TBX5: variants seen among roughly 807,000 people sequenced by gnomAD.
TBX5 encodes the protein T-box transcription factor 5, also known as T-box transcription factor TBX5.
Under a neutral mutation model 51.1 loss-of-function variants are expected in TBX5, and 8 were observed. The ratio of observed to expected loss-of-function variants is 0.16; its 90% confidence interval spans 0.09 to 0.28. The LOEUF (loss-of-function observed/expected upper bound fraction) is 0.28. Ranked by LOEUF, TBX5 falls within the 10% of genes least tolerant of loss-of-function variation. The probability of loss-of-function intolerance (pLI) is 1.00; values close to 1 mark genes in which losing one functional copy is unlikely to be tolerated. For missense variants in TBX5, 589 were observed against 671.7 expected (o/e 0.88, Z 1.36); for synonymous variants, 302 against 266.4 (o/e 1.13, Z -1.30).
Position 114,378,659 on chromosome 12 carries a change from G to A in TBX5, c.755+6817C>T, listed in dbSNP as rs142813450. Among the ~76,000 whole-genome samples the A allele has an allele frequency of 1.5e-3, 223 of 152,038 alleles. 1 individual carries two copies. The highest frequency in any genetic ancestry group is 5.1e-3 in the African/African-American group (210 of 41,480). The stretch of plus-strand genomic sequence containing the variant: ...TGTTTTGTTTTGTTTTTTTCGAGAC[G>A]GAGTTTCACTCTTGTTGCCCAGGCT... On this transcript the variant is annotated intron_variant, in intron 7 of 8. Transcript: ENST00000405440.
At position 114,355,529 on chromosome 12, in the gene TBX5, A is replaced by G. The variant is rs771881586; in HGVS notation, c.*3T>C. 2 of 1,613,876 alleles carry G rather than the reference A, an allele frequency of 1.2e-6. No individual in the cohort carries two copies. The highest frequency in any genetic ancestry group is 1.1e-5 in the South Asian group (1 of 91,024). On this transcript the variant is annotated 3_prime_UTR_variant, in exon 9 of 9. Transcript: ENST00000405440. Reference sequence around the variant, plus strand: ...AAATGTCTGTTGTGAAGCAGGCCTCACTTTAGCTATTGTCGCTCCACTCTG... The same window carrying G: ...AAATGTCTGTTGTGAAGCAGGCCTCGCTTTAGCTATTGTCGCTCCACTCTG...
chr12:114,395,443 G>C (rs1260039898), intron 5 of TBX5, among the ~76,000 whole-genome samples: 1 of 152,118 alleles, frequency 6.6e-6, no homozygotes, highest in African/African-American at 2.4e-5. Flanking sequence ...GCTTAGGGTG[G>C]GTGATCAGAC....
At position 114,385,580 on chromosome 12, in the gene TBX5, G is replaced by A. The variant is rs938241280; in HGVS notation, c.664-13C>T. ...TTAATTGCGTGATCTGAAGGAAAGA[G>A]GAAGAGAGAACAAGCTGGTTTTCAC... is the stretch of plus-strand genomic sequence containing the variant. On this transcript the variant is annotated splice_polypyrimidine_tract_variant and intron_variant, in intron 6 of 8. Transcript: ENST00000405440. The A allele has an allele frequency of 6.2e-7, 1 of 1,610,956 alleles. No homozygotes were observed. Among genetic ancestry groups the A allele is most frequent in the African/African-American group, 1.3e-5 (1 of 74,872 alleles).
chr12:114,382,977 C>CA lies in TBX5; in HGVS notation c.755+2498dup, dbSNP rs34867756. On this transcript the variant is annotated intron_variant, in intron 7 of 8. Transcript: ENST00000405440. ...GAGCGACAGAGTGAGACCCTGTCTC[C>CA]AAAAAAAAAAAAAAAAAAGAGCTTT... Among the ~76,000 whole-genome samples the CA allele has an allele frequency of 7.0e-3, 651 of 92,938 alleles. 7 individuals carry two copies. Among genetic ancestry groups the CA allele is most frequent in the Middle Eastern group, 0.035 (6 of 172 alleles). 61.0% of individuals were successfully genotyped at this position (92,938 alleles called of 152,430 possible). A position where few individuals can be genotyped will look rare whatever the true frequency, so the allele number is the denominator to read the frequency against.
rs1193730304 is a variant in TBX5, at chr12:114,355,825, G to T, written c.1264C>A (p.Pro422Thr). The T allele has an allele frequency of 6.2e-7, 1 of 1,614,078 alleles. No individual in the cohort carries two copies. The highest frequency in any genetic ancestry group is 1.3e-5 in the African/African-American group (1 of 75,070). Residue 422 changes from proline (P) to threonine (T), a missense_variant, in exon 9 of 9, where the codon CCC (proline) becomes ACC (threonine). This residue lies in a region of TBX5 where 348 missense variants were observed against 360.4 expected (regional missense o/e 0.97). Coordinates refer to ENST00000405440, the MANE Select transcript of TBX5 (RefSeq NM_181486.4). ...AAGTGAGCGGAGAAGTGCTGGTAGG[G>T]TAGCCTGTCCATGGGCTGCACGGTG... ...VTTVQPMDRL[P>T]YQHFSAHFTS...
intron 4 of TBX5, 115 bp from the exon 5 acceptor site, chr12:114,398,835 A>G (rs1006186823): frequency 7.7e-7 from 1 of 1,302,610 alleles, no homozygotes; most frequent in Non-Finnish European, 1.1e-6. Context: ...GTAGCTGGGA[A>G]TAATCTGGAG....
intron 1 of TBX5, 82 bp from the exon 2 acceptor site, chr12:114,404,018 G>A: frequency 6.8e-7 from 1 of 1,463,252 alleles, no homozygotes; most frequent in Non-Finnish European, 9.2e-7. Flanking sequence ...CAATTCTAGT[G>A]ACAGGAGGGA....
intron 3 of TBX5, among the ~76,000 whole-genome samples, chr12:114,400,982 C>T (rs1214949282): frequency 6.6e-6 from 1 of 152,174 alleles, no homozygotes; most frequent in Non-Finnish European, 1.5e-5. Flanking sequence ...GCTCCACACG[C>T]CTGCTCGGGG....
chr12:114,393,062 G>A (rs1318674309), intron 6 of TBX5, among the ~76,000 whole-genome samples: 3 of 152,174 alleles, frequency 2.0e-5, no homozygotes, highest in African/African-American at 7.2e-5. Flanking sequence ...TGGATTTGGA[G>A]ATTAGCCACA....
intron 7 of TBX5, among the ~76,000 whole-genome samples, chr12:114,373,052 T>C (rs1870004308): frequency 6.6e-6 from 1 of 151,758 alleles, no homozygotes; most frequent in Non-Finnish European, 1.5e-5. Context: ...TAAACACTAT[T>C]TTGTAAATAT....
chr12:114,399,699 A>G lies in TBX5; in HGVS notation c.243-67T>C, dbSNP rs905909732. ...ATGCCAGTATTTTAAGGCAGCCTCC[A>G]TCCATTTTAAGGGAAAAAGCAATTC... is the stretch of plus-strand genomic sequence containing the variant. On this transcript the variant is annotated intron_variant, in intron 3 of 8. Transcript: ENST00000405440. 27 of 1,611,356 alleles carry G rather than the reference A, an allele frequency of 1.7e-5. No homozygotes were observed. In the Admixed American group the frequency reaches 3.3e-4, roughly 20 times the overall value.
intron 1 of TBX5, among the ~76,000 whole-genome samples, chr12:114,404,458 T>G (rs1872063285): frequency 6.6e-6 from 1 of 150,468 alleles, no homozygotes; most frequent in South Asian, 2.1e-4. Flanking sequence ...ATGTGTGAAA[T>G]AACCCGCCTC....
intron 7 of TBX5, among the ~76,000 whole-genome samples, chr12:114,375,660 G>A (rs1316244037): frequency 6.6e-6 from 1 of 152,188 alleles, no homozygotes; most frequent in Non-Finnish European, 1.5e-5. Context: ...AGGATGTGGA[G>A]AAAAAGGAAT....
chr12:114,387,191 T>C (rs907271121), intron 6 of TBX5, among the ~76,000 whole-genome samples: 20 of 152,168 alleles, frequency 1.3e-4, no homozygotes, highest in African/African-American at 3.9e-4. Context: ...CTAAAAATCA[T>C]CTCGAGTCTT....
upstream of TBX5, chr12:114,406,890 C>T (rs1593890603): frequency 9.2e-6 from 2 of 217,530 alleles, no homozygotes; most frequent in African/African-American, 4.7e-5. Context: ...TCAATAAAAG[C>T]ACAAACACAG....
In TBX5 at chr12:114,354,431, T is replaced by C. The variant is rs6489956; in HGVS notation, c.*1101A>G. 0.8 allele frequency: 121,676 copies of C among 151,976 alleles called. 48,947 individuals carry two copies. The highest frequency in any genetic ancestry group is 0.91 in the East Asian group (4,694 of 5,156). The allele number at this position is 151,976 out of a possible 1,614,324, so 9.4% of individuals were successfully genotyped here. Reference sequence around the variant, plus strand: ...GCTTTCAGTAAACACAGTTTTGTGTTGGCATTGGTGTGGGCGTGGTTTCTT... The same window carrying C: ...GCTTTCAGTAAACACAGTTTTGTGTCGGCATTGGTGTGGGCGTGGTTTCTT... On this transcript the variant is annotated 3_prime_UTR_variant, in exon 9 of 9. Transcript: ENST00000405440.
chr12:114,376,473 G>T (rs1270259267), intron 7 of TBX5, among the ~76,000 whole-genome samples: 2 of 152,104 alleles, frequency 1.3e-5, no homozygotes, highest in Non-Finnish European at 2.9e-5. Context: ...GAGAATGGTG[G>T]TTGCCAGTAG....
At chr12:114,383,646 C>T (rs1265500) in intron 7 of TBX5, among the ~76,000 whole-genome samples, 88,456 of 152,026 alleles carry the variant, frequency 0.58, 26,429 homozygotes, top group Admixed American at 0.72. Flanking sequence ...AGTTAGGAGG[C>T]TGGTGGTGGC....
chr12:114,396,814 C>G (rs1480481259), intron 5 of TBX5, among the ~76,000 whole-genome samples: 1 of 152,160 alleles, frequency 6.6e-6, no homozygotes, highest in Non-Finnish European at 1.5e-5. Context: ...CTGGCAGATA[C>G]ACAGCCAGGG....
Sources: allele counts gnomAD v4.1 joint callset (sites outside exome capture counted in the v4.1 genomes callset), GRCh38; gene constraint gnomAD v4.1.1; regional missense constraint gnomAD v4.1.1; transcripts MANE v1.5; gene names NCBI Gene and HGNC (gene_info 2026-07-23, HGNC 2026-07-21).